Variants in HYCC2 observed in about 807,000 individuals in gnomAD.
The protein encoded by HYCC2 is hyccin PI4KA lipid kinase complex subunit 2.
At chr2:201,001,064 G>C in the HYCC2 span, among the ~76,000 whole-genome samples, 1 of 151,720 alleles carries the variant, frequency 6.6e-6, no homozygotes, top group Non-Finnish European at 1.5e-5. Flanking sequence ...CTTGAACCCA[G>C]GAGGCAGAGG....
chr2:200,999,260 T>C, the HYCC2 span, among the ~76,000 whole-genome samples: 61 of 152,300 alleles, frequency 4.0e-4, no homozygotes, highest in South Asian at 1.5e-3. Context: ...AGTCAGTTAC[T>C]AAGTTGGTGC....
At chr2:201,004,249 G>A in the HYCC2 span, among the ~76,000 whole-genome samples, 1 of 152,206 alleles carries the variant, frequency 6.6e-6, no homozygotes, top group African/African-American at 2.4e-5. Flanking sequence ...ATCACTATGG[G>A]AATTTGAAGC....
chr2:201,020,326 A>C, the HYCC2 span, among the ~76,000 whole-genome samples: 1 of 152,206 alleles, frequency 6.6e-6, no homozygotes, highest in African/African-American at 2.4e-5. Flanking sequence ...ATGATATTTG[A>C]TGAACACACT....
At chr2:201,059,798 C>T in the HYCC2 span, among the ~76,000 whole-genome samples, 9 of 152,092 alleles carry the variant, frequency 5.9e-5, no homozygotes, top group African/African-American at 1.9e-4. Context: ...GTAATCCTCG[C>T]ACTTTGGGAG....
the HYCC2 span, among the ~76,000 whole-genome samples, chr2:200,992,573 T>A: frequency 6.6e-6 from 1 of 152,238 alleles, no homozygotes; most frequent in South Asian, 2.1e-4. Flanking sequence ...TTTCTTCACA[T>A]AAATTGGTTT....
At chr2:201,056,384 T>C in the HYCC2 span, among the ~76,000 whole-genome samples, 1 of 151,966 alleles carries the variant, frequency 6.6e-6, no homozygotes, top group Non-Finnish European at 1.5e-5. Context: ...CAGTATAAGA[T>C]GCTCTGCCAG....
At chr2:201,050,466 C>T in the HYCC2 span, among the ~76,000 whole-genome samples, 2 of 151,648 alleles carry the variant, frequency 1.3e-5, no homozygotes, top group African/African-American at 4.8e-5. Flanking sequence ...TAAAGTCTTC[C>T]AGAGAACAGA....
chr2:200,996,531 T>C, the HYCC2 span: 4 of 151,360 alleles, frequency 2.6e-5, no homozygotes, highest in African/African-American at 9.7e-5. Flanking sequence ...GAGACTGAGG[T>C]GAGAAGATCA....
At chr2:201,000,174 A>G in the HYCC2 span, among the ~76,000 whole-genome samples, 1 of 151,766 alleles carries the variant, frequency 6.6e-6, no homozygotes, top group Non-Finnish European at 1.5e-5. Context: ...CGCATTCAAG[A>G]GCAGCCTGGG....
At chr2:201,064,143 T>A in the HYCC2 span, 1 of 992,658 alleles carries the variant, frequency 1.0e-6, no homozygotes, top group South Asian at 1.3e-5. Flanking sequence ...CCAAGCACAG[T>A]GGTGGCAGGG....
chr2:200,992,447 G>C, the HYCC2 span: 1 of 1,004,036 alleles, frequency 1.0e-6, no homozygotes, highest in Non-Finnish European at 1.6e-6. Flanking sequence ...TCCAAGTCCT[G>C]CTATTTTGGT....
At chr2:201,069,735 G>C in the HYCC2 span, among the ~76,000 whole-genome samples, 1 of 151,900 alleles carries the variant, frequency 6.6e-6, no homozygotes, top group Admixed American at 6.6e-5. Flanking sequence ...AAAAGACAAA[G>C]AACAAAACAC....
chr2:201,002,996 G>T, the HYCC2 span, among the ~76,000 whole-genome samples: 1 of 152,030 alleles, frequency 6.6e-6, no homozygotes, highest in Non-Finnish European at 1.5e-5. Context: ...AAAATTGATG[G>T]TACATACATA....
chr2:200,988,244 T>C, the HYCC2 span: 2 of 1,590,978 alleles, frequency 1.3e-6, no homozygotes, highest in Admixed American at 1.8e-5. Context: ...GTGTGGACTA[T>C]GGGGATTTTG....
At chr2:200,994,836 A>G in the HYCC2 span, among the ~76,000 whole-genome samples, 362 of 152,216 alleles carry the variant, frequency 2.4e-3, 1 homozygote, top group African/African-American at 8.0e-3. Context: ...CCCCATCTCT[A>G]TAACAAATTT....
chr2:201,063,038 C>T, the HYCC2 span: 30 of 1,600,562 alleles, frequency 1.9e-5, no homozygotes, highest in African/African-American at 2.2e-4. Flanking sequence ...CCTTTCTGCC[C>T]GTGGACGCCG....
chr2:200,981,520 G>C, the HYCC2 span: 1 of 1,614,226 alleles, frequency 6.2e-7, no homozygotes, highest in East Asian at 2.2e-5. The surrounding 1 kb of genome is among the most constrained non-coding windows in gnomAD (Gnocchi z 4.5). Context: ...AGCACTGGCT[G>C]TCCGGATTAG....
At chr2:201,054,969 T>C in the HYCC2 span, among the ~76,000 whole-genome samples, 2 of 152,136 alleles carry the variant, frequency 1.3e-5, no homozygotes, top group East Asian at 1.9e-4. Context: ...CTAGCCTATG[T>C]TGAATTTTAG....
chr2:201,032,910 GT>G, the HYCC2 span, among the ~76,000 whole-genome samples: 1 of 151,880 alleles, frequency 6.6e-6, no homozygotes, highest in Non-Finnish European at 1.5e-5. Flanking sequence ...AAAATTAAAA[GT>G]TTTTTAGATA....
Sources: gnomAD v4.1 joint callset for allele counts (sites outside exome capture counted in the v4.1 genomes callset) on GRCh38, gnomAD v4.1.1 for gene constraint, Gnocchi (gnomAD v3.1) non-coding constraint, MANE v1.5 for transcripts, NCBI Gene and HGNC (gene_info 2026-07-23, HGNC 2026-07-21) for gene names.